Variants in PDCD10 observed in about 807,000 individuals in gnomAD.
PDCD10 encodes programmed cell death protein 10.
PDCD10 carries 4 observed loss-of-function variants against 29.2 expected under a neutral mutation model. The observed-to-expected ratio is 0.14, with a 90% CI of 0.07 to 0.31. The LOEUF (loss-of-function observed/expected upper bound fraction) is 0.31, where lower values mean the gene tolerates loss of function less well. Among genes scored for constraint, PDCD10 ranks in the 10% least tolerant of loss-of-function variants. PDCD10 has a pLI of 1.00. For missense variants in PDCD10, 183 were observed against 257.9 expected (o/e 0.71, Z 1.99); for synonymous variants, 70 against 82.2 (o/e 0.85, Z 0.80).
intron 4 of PDCD10, among the ~76,000 whole-genome samples, chr3:167,701,896 G>T (rs1056181821): frequency 6.6e-6 from 1 of 151,922 alleles, no homozygotes; most frequent in Non-Finnish European, 1.5e-5. Context: ...TTGTAGATAT[G>T]GTTAAAAAAA....
At chr3:167,707,902 T>G (rs1722147337) in intron 3 of PDCD10, among the ~76,000 whole-genome samples, 1 of 151,916 alleles carries the variant, frequency 6.6e-6, no homozygotes, top group Admixed American at 6.6e-5. Flanking sequence ...AATAAGAGAA[T>G]CAGAGTGAGA....
intron 2 of PDCD10, among the ~76,000 whole-genome samples, chr3:167,726,376 G>T (rs1724181541): frequency 6.6e-6 from 1 of 152,126 alleles, no homozygotes; most frequent in Non-Finnish European, 1.5e-5. Context: ...TGGGATTACA[G>T]GCGTGAGCCA....
intron 2 of PDCD10, among the ~76,000 whole-genome samples, chr3:167,724,089 G>C (rs1203950361): frequency 1.3e-5 from 2 of 151,982 alleles, no homozygotes; most frequent in Non-Finnish European, 2.9e-5. Context: ...GCCACACATG[G>C]GTATATCTCA....
At chr3:167,704,928 CAACTT>C (rs1721828744) in intron 3 of PDCD10, 33 bp from the exon 4 acceptor site, 2 of 1,415,154 alleles carry the variant, frequency 1.4e-6, no homozygotes, top group Admixed American at 1.7e-5. Flanking sequence ...TTATGAATAT[CAACTT>C]TCTTGGAAAA....
At chr3:167,731,854 A>C (rs1724849591) in intron 2 of PDCD10, among the ~76,000 whole-genome samples, 1 of 152,182 alleles carries the variant, frequency 6.6e-6, no homozygotes, top group African/African-American at 2.4e-5. Flanking sequence ...CCCCTGACGA[A>C]CGATATTTAA....
intron 6 of PDCD10, among the ~76,000 whole-genome samples, chr3:167,688,192 G>C (rs1719836571): frequency 6.6e-6 from 1 of 151,976 alleles, no homozygotes; most frequent in Admixed American, 6.6e-5. Flanking sequence ...TATTAGTTTT[G>C]ATGTTTAACA....
chr3:167,720,879 T>C (rs1481543189), intron 2 of PDCD10, among the ~76,000 whole-genome samples: 2 of 152,092 alleles, frequency 1.3e-5, no homozygotes, highest in African/African-American at 4.8e-5. Flanking sequence ...TGCTACTTAA[T>C]TGTGCCAGTG....
intron 4 of PDCD10, among the ~76,000 whole-genome samples, chr3:167,698,478 G>T (rs1358573154): frequency 1.3e-5 from 2 of 152,182 alleles, no homozygotes; most frequent in East Asian, 3.9e-4. Context: ...CGTGGCTGCA[G>T]CGAGCTATGA....
intron 2 of PDCD10, among the ~76,000 whole-genome samples, chr3:167,733,547 C>A (rs1307749328): frequency 6.6e-6 from 1 of 152,002 alleles, no homozygotes; most frequent in Admixed American, 6.5e-5. Flanking sequence ...AAATACAGCC[C>A]AGAGTCAAGA....
chr3:167,685,349 G>A (rs9810884), intron 8 of PDCD10, among the ~76,000 whole-genome samples: 40,071 of 144,204 alleles, frequency 0.28, 6,099 homozygotes, highest in African/African-American at 0.41. Flanking sequence ...GCTGGAGGTC[G>A]CAGTGAGCCC....
In PDCD10 at chr3:167,685,435, A is replaced by G. The variant is rs1719510109; in HGVS notation, c.558-1046T>C. Among the ~76,000 whole-genome samples the G allele has an allele frequency of 2.6e-5, 4 of 151,366 alleles. No homozygotes were observed. In the South Asian group the frequency reaches 8.3e-4, roughly 31 times the overall value. Reference sequence around the variant, plus strand: ...AAAAAAAAAAAGAGAAGGGCCAGGAAGAAATAGCTGAATCAATGCAAATCC... The same window carrying G: ...AAAAAAAAAAAGAGAAGGGCCAGGAGGAAATAGCTGAATCAATGCAAATCC... On this transcript the variant is annotated intron_variant, in intron 8 of 8. Transcript: ENST00000392750.
chr3:167,684,221 T>A lies in PDCD10; in HGVS notation c.*87A>T, dbSNP rs886058161. 2 of 779,604 alleles carry A rather than the reference T, an allele frequency of 2.6e-6. No individual in the cohort carries two copies. The highest frequency in any genetic ancestry group is 4.6e-6 in the Non-Finnish European group (2 of 430,504). The allele number at this position is 779,604 out of a possible 1,614,324, so 48.3% of individuals were successfully genotyped here. On this transcript the variant is annotated 3_prime_UTR_variant, in exon 9 of 9. Transcript: ENST00000392750. ...ATTAGATCCCTTCAGGAGGGACTGA[T>A]AATTTATACAGTCAAACTTTAAAAT...
chr3:167,701,100 C>T (rs980694955), intron 4 of PDCD10, among the ~76,000 whole-genome samples: 1 of 152,016 alleles, frequency 6.6e-6, no homozygotes, highest in Non-Finnish European at 1.5e-5. Context: ...CACCAGCTTC[C>T]AGTCTTGTGG....
chr3:167,726,128 T>G (rs1724139927), intron 2 of PDCD10, among the ~76,000 whole-genome samples: 1 of 143,540 alleles, frequency 7.0e-6, no homozygotes, highest in African/African-American at 2.6e-5. Context: ...TTTTTTTTTT[T>G]TTTTTTTTTT....
At chr3:167,689,881 G>C (rs1330293157) in intron 6 of PDCD10, among the ~76,000 whole-genome samples, 1 of 152,152 alleles carries the variant, frequency 6.6e-6, no homozygotes, top group Non-Finnish European at 1.5e-5. Flanking sequence ...AGCAATGTAT[G>C]TCAAATATTA....
At chr3:167,723,042 G>A (rs1178127068) in intron 2 of PDCD10, among the ~76,000 whole-genome samples, 1 of 152,138 alleles carries the variant, frequency 6.6e-6, no homozygotes, top group African/African-American at 2.4e-5. Flanking sequence ...TATGAAAAAT[G>A]CTCCAAAGAA....
chr3:167,717,094 T>C (rs1723100541), intron 3 of PDCD10, among the ~76,000 whole-genome samples: 1 of 151,998 alleles, frequency 6.6e-6, no homozygotes, highest in South Asian at 2.1e-4. Flanking sequence ...GCAATAAACT[T>C]GGACTCTGAA....
intron 4 of PDCD10, among the ~76,000 whole-genome samples, chr3:167,703,899 T>C (rs1021978594): frequency 1.3e-5 from 2 of 152,210 alleles, no homozygotes; most frequent in Non-Finnish European, 1.5e-5. Context: ...ATAAAATATT[T>C]ATTACTAAGC....
intron 2 of PDCD10, among the ~76,000 whole-genome samples, chr3:167,731,851 C>T (rs1372040214): frequency 2.0e-5 from 3 of 152,124 alleles, no homozygotes; most frequent in Non-Finnish European, 4.4e-5. Flanking sequence ...GCTCCCCTGA[C>T]GAACGATATT....
Sources: allele counts gnomAD v4.1 joint callset (sites outside exome capture counted in the v4.1 genomes callset), GRCh38; gene constraint gnomAD v4.1.1; transcripts MANE v1.5; gene names NCBI Gene and HGNC (gene_info 2026-07-23, HGNC 2026-07-21).